Variants in EXD3 observed in about 807,000 individuals in gnomAD.
The protein encoded by EXD3 is exonuclease 3'-5' domain containing 3.
In EXD3, 92 loss-of-function variants were observed where a neutral mutation model predicts 98.0. That is an observed-to-expected ratio of 0.94 (90% CI 0.79 to 1.12). EXD3 has a LOEUF of 1.12. Ranked by LOEUF, EXD3 falls within the 50% of genes most tolerant of loss-of-function variation. The pLI, the probability that EXD3 is intolerant of heterozygous loss-of-function variation, is 0.00. For synonymous variants in EXD3, 569 were observed against 526.0 expected (o/e 1.08, Z -1.12); for missense variants, 1,222 against 1,191.6 (o/e 1.03, Z -0.38).
At chr9:137,415,630 G>A (rs1461824028) in intron 1 of EXD3, among the ~76,000 whole-genome samples, 2 of 152,176 alleles carry the variant, frequency 1.3e-5, no homozygotes, top group Admixed American at 6.5e-5. Context: ...CTGCAAGGAC[G>A]GGTCAGGTGG....
At chr9:137,409,820 C>T (rs533393120) in intron 1 of EXD3, among the ~76,000 whole-genome samples, 3 of 152,322 alleles carry the variant, frequency 2.0e-5, no homozygotes, top group Non-Finnish European at 4.4e-5. Flanking sequence ...CCAGGACAAG[C>T]GGGGCTCCCC....
At chr9:137,368,502 C>G (rs1835389522) in intron 5 of EXD3, among the ~76,000 whole-genome samples, 1 of 152,238 alleles carries the variant, frequency 6.6e-6, no homozygotes, top group South Asian at 2.1e-4. Flanking sequence ...CCCGCGAGCG[C>G]TCCAAGGCCA....
chr9:137,380,017 C>T (rs1196115110), intron 3 of EXD3, among the ~76,000 whole-genome samples: 1 of 151,918 alleles, frequency 6.6e-6, no homozygotes, highest in Non-Finnish European at 1.5e-5. Flanking sequence ...CGGGAGACTT[C>T]AGTCCTGGCC....
At chr9:137,368,435 C>T (rs1298951405) in intron 5 of EXD3, among the ~76,000 whole-genome samples, 1 of 152,222 alleles carries the variant, frequency 6.6e-6, no homozygotes, top group Non-Finnish European at 1.5e-5. Flanking sequence ...CCCCCAGCCT[C>T]AGCGCATCCT....
intron 14 of EXD3, among the ~76,000 whole-genome samples, chr9:137,350,184 G>A (rs1459314032): frequency 2.9e-5 from 2 of 68,530 alleles, no homozygotes; most frequent in Non-Finnish European, 5.7e-5. Flanking sequence ...TGGGGATCAC[G>A]GGGAAGGTTC....
At chr9:137,396,504 G>A (rs1051530617) in intron 1 of EXD3, among the ~76,000 whole-genome samples, 2 of 152,188 alleles carry the variant, frequency 1.3e-5, no homozygotes, top group Non-Finnish European at 2.9e-5. Flanking sequence ...CATTCCCGGG[G>A]AGACGGACCT....
In EXD3 at chr9:137,318,435, G is replaced by A. The variant is rs1831830724; in HGVS notation, c.2184+5290C>T. On this transcript the variant is annotated intron_variant, in intron 19 of 21. Transcript: ENST00000340951. The stretch of plus-strand genomic sequence containing the variant: ...CAAGGGGCTGACGCCACTGTTTCAG[G>A]ACGTGTCCCCGTGGGGGCTGCAGCC... Among the ~76,000 whole-genome samples, 3 of 152,288 alleles carry A rather than the reference G, an allele frequency of 2.0e-5. No homozygotes were observed. The South Asian group carries it at 6.2e-4, about 32-fold the overall frequency.
chr9:137,380,125 G>A (rs1196821050), intron 3 of EXD3, among the ~76,000 whole-genome samples: 3 of 151,870 alleles, frequency 2.0e-5, no homozygotes, highest in East Asian at 3.9e-4. Flanking sequence ...CTCCCCTTGC[G>A]CTGCCTGCCT....
In EXD3 at chr9:137,309,763, C is replaced by T. The variant is rs1346677342; in HGVS notation, c.2185-63G>A. 5 of 1,249,994 alleles carry T rather than the reference C, an allele frequency of 4.0e-6. No individual in the cohort carries two copies. The East Asian group carries it at 7.6e-5, about 19-fold the overall frequency. 77.4% of individuals were successfully genotyped at this position (1,249,994 alleles called of 1,614,324 possible). On this transcript the variant is annotated intron_variant, in intron 19 of 21. Coordinates refer to ENST00000340951, the MANE Select transcript of EXD3 (RefSeq NM_017820.5). ...TTCTCCGGGTGCCCCATACCCCAGC[C>T]CTCTGCTCGCTCCTCGAAGCTCTGG...
At chr9:137,372,789 T>C (rs1308414931) in intron 5 of EXD3, 116 bp downstream of exon 5, 4 of 1,113,508 alleles carry the variant, frequency 3.6e-6, no homozygotes, top group African/African-American at 3.1e-5. Flanking sequence ...GATACCTCCA[T>C]GTAGACCAGA....
At chr9:137,384,703 G>A (rs1836494330) in intron 2 of EXD3, among the ~76,000 whole-genome samples, 1 of 152,236 alleles carries the variant, frequency 6.6e-6, no homozygotes, top group East Asian at 1.9e-4. Flanking sequence ...CTCAGCACAA[G>A]CCAAAATGAG....
intron 19 of EXD3, among the ~76,000 whole-genome samples, chr9:137,320,702 C>T (rs1182763624): frequency 6.6e-6 from 1 of 152,230 alleles, no homozygotes; most frequent in Non-Finnish European, 1.5e-5. Flanking sequence ...CACCCTTCTC[C>T]ATGCAGGGCT....
intron 7 of EXD3, chr9:137,365,244 G>T (rs146693564): frequency 6.6e-6 from 1 of 152,250 alleles, no homozygotes; most frequent in African/African-American, 2.4e-5. Flanking sequence ...AACTCAGAAA[G>T]TGGAAGTGAC....
intron 3 of EXD3, among the ~76,000 whole-genome samples, chr9:137,380,383 C>T (rs1435906331): frequency 2.4e-5 from 2 of 83,120 alleles, no homozygotes; most frequent in Non-Finnish European, 4.7e-5. Context: ...ATCCTCCCGC[C>T]GGTATCCCCC....
At chr9:137,356,079 G>A (rs1834770082) in intron 8 of EXD3, among the ~76,000 whole-genome samples, 189 bp downstream of exon 8, 1 of 152,212 alleles carries the variant, frequency 6.6e-6, no homozygotes, top group South Asian at 2.1e-4. Context: ...CTCAGTCGCA[G>A]GGCCCAGGCC....
chr9:137,370,685 C>G (rs1174709137), intron 5 of EXD3, among the ~76,000 whole-genome samples: 2 of 152,032 alleles, frequency 1.3e-5, no homozygotes, highest in African/African-American at 4.8e-5. Context: ...CCTGGGCCCC[C>G]CATTCTAAGG....
At chr9:137,330,351 A>T (rs992689809) in intron 17 of EXD3, among the ~76,000 whole-genome samples, 11 of 135,666 alleles carry the variant, frequency 8.1e-5, no homozygotes, top group Non-Finnish European at 1.4e-4. Context: ...ACTACACAGG[A>T]CTACACAGGA....
In EXD3 at chr9:137,356,265, C is replaced by T; in HGVS notation, c.757+3G>A. The stretch of plus-strand genomic sequence containing the variant: ...GGGGCAGGAATGTGGGGGCTGGACT[C>T]ACCTGGGGCTACGCCGTACCGCTCC... On this transcript the variant is annotated splice_donor_region_variant and intron_variant, in intron 8 of 21. Transcript: ENST00000340951. 2 of 1,593,920 alleles carry T rather than the reference C, an allele frequency of 1.3e-6. No individual in the cohort carries two copies. The highest frequency in any genetic ancestry group is 1.7e-6 in the Non-Finnish European group (2 of 1,171,534).
At chr9:137,367,754 G>T (rs547746207) in intron 6 of EXD3, 182 bp downstream of exon 6, 3 of 587,460 alleles carry the variant, frequency 5.1e-6, no homozygotes, top group East Asian at 5.9e-5. Flanking sequence ...CGTCTGATTT[G>T]GGGTCAGCCC....
Sources: allele counts gnomAD v4.1 joint callset (sites outside exome capture counted in the v4.1 genomes callset), GRCh38; gene constraint gnomAD v4.1.1; transcripts MANE v1.5; gene names NCBI Gene and HGNC (gene_info 2026-07-23, HGNC 2026-07-21).